The following RAMACL variants were observed in gnomAD, a reference collection of about 807,000 sequenced individuals.
The protein encoded by RAMACL is RNA guanine-7 methyltransferase activating subunit like.
Under a neutral mutation model 13.4 loss-of-function variants are expected in RAMACL, and 9 were observed. The observed-to-expected ratio is 0.67, with a 90% CI of 0.41 to 1.17. The LOEUF (loss-of-function observed/expected upper bound fraction) is 1.17. Among genes scored for constraint, RAMACL ranks in the 50% most tolerant of loss-of-function variants. The pLI is 0.01. For synonymous variants in RAMACL, 39 were observed against 49.3 expected, an observed-to-expected ratio of 0.79 and a Z score of 0.88; for missense variants, 124 against 141.6, an observed-to-expected ratio of 0.88 and a Z score of 0.63.
At chr6:166,584,202 A>T (rs1289586072), downstream of RAMACL, among the ~76,000 whole-genome samples, 3 of 152,180 alleles carry the variant, frequency 2.0e-5, no homozygotes, top group African/African-American at 7.2e-5. Context: ...TGAGGGCCCA[A>T]TTCCTGGCTC....
chr6:166,585,498 C>CTTTTTT (rs58153048), downstream of RAMACL, among the ~76,000 whole-genome samples: 1 of 86,306 alleles, frequency 1.2e-5, no homozygotes, highest in Non-Finnish European at 2.0e-5. Flanking sequence ...TCAAACAAGT[C>CTTTTTT]TTTTTTTTTT....
chr6:166,583,361 C>A (rs549156264), downstream of RAMACL, among the ~76,000 whole-genome samples: 31 of 152,282 alleles, frequency 2.0e-4, no homozygotes, highest in African/African-American at 7.2e-4. Flanking sequence ...CTGTGATCTG[C>A]GGAAACGGCT....
downstream of RAMACL, among the ~76,000 whole-genome samples, chr6:166,585,212 T>C (rs1384714083): frequency 1.3e-5 from 2 of 152,112 alleles, no homozygotes; most frequent in Non-Finnish European, 2.9e-5. Flanking sequence ...GAAAAAGAGG[T>C]AGTGAGTGAC....
At chr6:166,585,265 C>T (rs900946609), downstream of RAMACL, among the ~76,000 whole-genome samples, 2 of 152,188 alleles carry the variant, frequency 1.3e-5, no homozygotes, top group South Asian at 4.1e-4. Flanking sequence ...GATGGACTTT[C>T]AGTCTCACAT....
chr6:166,586,493 G>C, exon 1 of RAMACL: 2 of 1,592,588 alleles, frequency 1.3e-6, no homozygotes, highest in South Asian at 1.1e-5. Context: ...AAATCCCAAA[G>C]GTTTGAGGCA....
downstream of RAMACL, among the ~76,000 whole-genome samples, chr6:166,583,911 C>T (rs544983493): frequency 1.3e-5 from 2 of 152,192 alleles, no homozygotes; most frequent in South Asian, 2.1e-4. Context: ...GTTGCTTTAG[C>T]TCAAGTAATT....
At chr6:166,583,213 G>A (rs1339026577), downstream of RAMACL, among the ~76,000 whole-genome samples, 1 of 152,198 alleles carries the variant, frequency 6.6e-6, no homozygotes, top group Non-Finnish European at 1.5e-5. Flanking sequence ...TAAAAGTGCT[G>A]AATTCTTGCT....
chr6:166,586,417 C>T, exon 1 of RAMACL: 1 of 1,600,096 alleles, frequency 6.2e-7, no homozygotes, highest in South Asian at 1.1e-5. Flanking sequence ...TTGTCATTTT[C>T]TGTGAATCTA....
chr6:166,583,973 C>T (rs1435285117), downstream of RAMACL, among the ~76,000 whole-genome samples: 1 of 152,230 alleles, frequency 6.6e-6, no homozygotes, highest in African/African-American at 2.4e-5. Context: ...AACAAAAAGG[C>T]GCATCTTAAA....
chr6:166,584,948 C>T (rs549931001), downstream of RAMACL, among the ~76,000 whole-genome samples: 105 of 152,180 alleles, frequency 6.9e-4, no homozygotes, highest in Non-Finnish European at 1.4e-3. Flanking sequence ...GGGGGTGGCA[C>T]ATTGGTGTGT....
At chr6:166,584,474 G>A (rs1205286847), downstream of RAMACL, among the ~76,000 whole-genome samples, 1 of 152,192 alleles carries the variant, frequency 6.6e-6, no homozygotes, top group African/African-American at 2.4e-5. Flanking sequence ...ACCATACTCA[G>A]TGATGACAGG....
At chr6:166,584,568 A>G (rs1207667305), downstream of RAMACL, among the ~76,000 whole-genome samples, 2 of 152,250 alleles carry the variant, frequency 1.3e-5, no homozygotes, top group Non-Finnish European at 2.9e-5. Context: ...CACAATTAAT[A>G]AATGAAAAAT....
At chr6:166,586,298 G>A (rs540791432) in exon 1 of RAMACL, 2 of 1,598,632 alleles carry the variant, frequency 1.3e-6, no homozygotes, top group Non-Finnish European at 1.7e-6. Flanking sequence ...ACTGTCTGTT[G>A]TCTTGCAACC....
chr6:166,585,003 C>T (rs1785123963), downstream of RAMACL, among the ~76,000 whole-genome samples: 2 of 152,248 alleles, frequency 1.3e-5, no homozygotes, highest in African/African-American at 4.8e-5. Flanking sequence ...TCTGCTGTAG[C>T]AACTAGTGTG....
At chr6:166,586,522 T>C (rs530559230) in exon 1 of RAMACL, 2 of 1,559,580 alleles carry the variant, frequency 1.3e-6, no homozygotes, top group East Asian at 4.5e-5. Flanking sequence ...GCTTAATGTT[T>C]AGGTTGTTTA....
downstream of RAMACL, among the ~76,000 whole-genome samples, chr6:166,584,727 C>CTACG (rs1442605887): frequency 2.6e-5 from 4 of 152,208 alleles, no homozygotes; most frequent in Non-Finnish European, 5.9e-5. Flanking sequence ...AACAAAGGAG[C>CTACG]TACGCTGTCA....
At chr6:166,583,389 T>C (rs886631316), downstream of RAMACL, among the ~76,000 whole-genome samples, 5 of 152,310 alleles carry the variant, frequency 3.3e-5, no homozygotes, top group African/African-American at 1.2e-4. Flanking sequence ...CTTTGCCTCC[T>C]GTGAGTCTTG....
At chr6:166,586,519 G>GTT in exon 1 of RAMACL, 3 of 1,557,774 alleles carry the variant, frequency 1.9e-6, no homozygotes, top group Non-Finnish European at 2.6e-6. Context: ...ATTGCTTAAT[G>GTT]TTTAGGTTGT....
At chr6:166,586,538 G>C in exon 1 of RAMACL, 2 of 1,498,670 alleles carry the variant, frequency 1.3e-6, no homozygotes, top group Non-Finnish European at 1.8e-6. Context: ...GTTTAAATCC[G>C]CCAAGGGCTA....
Sources: allele counts gnomAD v4.1 joint callset (sites outside exome capture counted in the v4.1 genomes callset), GRCh38; gene constraint gnomAD v4.1.1; transcripts MANE v1.5; gene names NCBI Gene and HGNC (gene_info 2026-07-23, HGNC 2026-07-21).